PRDM16: variants seen among roughly 807,000 people sequenced by gnomAD.
The protein encoded by PRDM16 is histone-lysine N-methyltransferase PRDM16.
Under a neutral mutation model 110.6 loss-of-function variants are expected in PRDM16, and 23 were observed. The observed-to-expected ratio is 0.21, with a 90% CI of 0.15 to 0.29. PRDM16 has a LOEUF of 0.29. Ranked by LOEUF, PRDM16 falls within the 10% of genes least tolerant of loss-of-function variation. The pLI, the probability that PRDM16 is intolerant of heterozygous loss-of-function variation, is 1.00. For synonymous variants in PRDM16, 799 were observed against 781.8 expected (o/e 1.02, Z -0.37); for missense variants, 1,615 against 1,794.3 (o/e 0.90, Z 1.81).
rs199657886 is a variant in PRDM16 at position 3,411,991 on chromosome 1, G to A, written c.1794G>A (p.Met598Ile). 2.7e-5 allele frequency: 43 copies of A among 1,613,556 alleles called. No individual in the cohort carries two copies. The highest frequency in any genetic ancestry group is 1.7e-5 in the Admixed American group (1 of 60,002). ...AGCTGAAGACCAGGAGCAGCGACAT[G>A]TCGGACGGCAGTGACTTTGAGGACG... is the stretch of plus-strand genomic sequence containing the variant. ...VEKLKTRSSD[M>I]SDGSDFEDVN... The change falls in exon 9 of 17, where the codon ATG (methionine) becomes ATA (isoleucine). Residue 598 changes from methionine to isoleucine, a missense_variant. Met to Ile is a conservative substitution (Grantham distance 10). Transcript: ENST00000270722.
At chr1:3,426,247 G>A (rs781341881) in intron 14 of PRDM16, 22 bp downstream of exon 14, 7 of 1,606,982 alleles carry the variant, frequency 4.4e-6, no homozygotes, top group Non-Finnish European at 6.0e-6. Flanking sequence ...ATCGCGGGCT[G>A]GGGAAAGTCT....
At chr1:3,171,635 G>C (rs900141501) in intron 1 of PRDM16, among the ~76,000 whole-genome samples, 24 of 152,230 alleles carry the variant, frequency 1.6e-4, no homozygotes, top group African/African-American at 4.3e-4. Context: ...GCCACGAGCT[G>C]AGCTGGCTCC....
Position 3,437,471 on chromosome 1 carries a change from G to T in PRDM16, c.*3660G>T. ...CCTACTGAGCTATATTCACTGTGCT[G>T]TCCTAGGGGGAGGGAGAGCAGAGCT... On this transcript the variant is annotated 3_prime_UTR_variant, in exon 17 of 17. Coordinates refer to ENST00000270722, the MANE Select transcript of PRDM16 (RefSeq NM_022114.4). 4.3e-6 allele frequency: 1 copy of T among 230,038 alleles called. No homozygotes were observed. Among genetic ancestry groups the T allele is most frequent in the Non-Finnish European group, 8.6e-6 (1 of 116,080 alleles). The allele number at this position is 230,038 out of a possible 1,614,324, so 14.2% of individuals were successfully genotyped here. A position where few individuals can be genotyped will look rare whatever the true frequency, so the allele number is the denominator to read the frequency against.
chr1:3,406,213 G>GCCAGACAA (rs1471115907), intron 8 of PRDM16, among the ~76,000 whole-genome samples: 1 of 152,190 alleles, frequency 6.6e-6, no homozygotes, highest in Non-Finnish European at 1.5e-5. Flanking sequence ...AGCCAGACAA[G>GCCAGACAA]CAAGGTGGCA....
At chr1:3,337,381 G>A (rs1201473127) in intron 3 of PRDM16, among the ~76,000 whole-genome samples, 6 of 152,190 alleles carry the variant, frequency 3.9e-5, no homozygotes, top group Admixed American at 6.5e-5. Context: ...TCCATCGAAG[G>A]CACCCAACTG....
At chr1:3,407,814 G>C (rs535030804) in intron 8 of PRDM16, among the ~76,000 whole-genome samples, 125 of 152,332 alleles carry the variant, frequency 8.2e-4, no homozygotes, top group Middle Eastern at 6.8e-3. Context: ...GTGAGGACAG[G>C]GAAACTCAAC....
chr1:3,397,862 T>A (rs1643408841), intron 5 of PRDM16, among the ~76,000 whole-genome samples: 1 of 152,192 alleles, frequency 6.6e-6, no homozygotes, highest in Non-Finnish European at 1.5e-5. Flanking sequence ...TCCGCCTTCA[T>A]TTACCCTTGC....
intron 12 of PRDM16, among the ~76,000 whole-genome samples, chr1:3,422,618 G>A (rs1018347245): frequency 1.3e-5 from 2 of 152,258 alleles, no homozygotes; most frequent in African/African-American, 2.4e-5. Flanking sequence ...GTGTCAGGGT[G>A]GGGGATGTGA....
chr1:3,144,086 T>G (rs548879877), intron 1 of PRDM16, among the ~76,000 whole-genome samples: 1 of 152,188 alleles, frequency 6.6e-6, no homozygotes, highest in Admixed American at 6.5e-5. Flanking sequence ...TCTACAGGCC[T>G]GTGCAGACCC....
At chr1:3,109,587 C>T (rs536379408) in intron 1 of PRDM16, among the ~76,000 whole-genome samples, 7 of 152,206 alleles carry the variant, frequency 4.6e-5, no homozygotes, top group Admixed American at 2.0e-4. Context: ...CCGGGGCTTC[C>T]GCCGAGGACT....
intron 2 of PRDM16, among the ~76,000 whole-genome samples, chr1:3,194,173 G>T (rs1200885825): frequency 6.6e-6 from 1 of 152,242 alleles, no homozygotes; most frequent in African/African-American, 2.4e-5. Context: ...CACTCGTCTG[G>T]CCTTCTGCAA....
intron 3 of PRDM16, among the ~76,000 whole-genome samples, chr1:3,384,735 A>G (rs1231193946): frequency 6.6e-6 from 1 of 151,970 alleles, no homozygotes; most frequent in Non-Finnish European, 1.5e-5. Context: ...CAACACCTTC[A>G]CCTTCAGACA....
Position 3,247,660 on chromosome 1 carries a change from C to T in PRDM16, c.438+3523C>T, listed in dbSNP as rs566090350. 4.6e-5 allele frequency among the ~76,000 whole-genome samples: 7 copies of T among 152,376 alleles called. 1 individual carries two copies. The highest frequency in any genetic ancestry group is 1.7e-4 in the African/African-American group (7 of 41,600). ...CTGCGCCTTCGTTCACTCCGCAGCC[C>T]TTGCGCCCGCGCAGCCCAGAGCTTT... On this transcript the variant is annotated intron_variant, in intron 3 of 16. Transcript: ENST00000270722.
At position 3,434,568 on chromosome 1, in the gene PRDM16, G is replaced by C; in HGVS notation, c.*757G>C. 1 of 232,024 alleles carries C rather than the reference G, an allele frequency of 4.3e-6. No homozygotes were observed. The highest frequency in any genetic ancestry group is 8.5e-6 in the Non-Finnish European group (1 of 117,252). 14.4% of individuals were successfully genotyped at this position (232,024 alleles called of 1,614,324 possible). On this transcript the variant is annotated 3_prime_UTR_variant, in exon 17 of 17. Coordinates refer to ENST00000270722, the MANE Select transcript of PRDM16 (RefSeq NM_022114.4). ...GTGAACCATGCAGACGGCCGAAGAA[G>C]TCTTAGGCAGGGCGCCCTGGGCTGC...
At chr1:3,421,439 C>T (rs547696346) in intron 12 of PRDM16, among the ~76,000 whole-genome samples, 233 of 152,314 alleles carry the variant, frequency 1.5e-3, no homozygotes, top group African/African-American at 5.2e-3. Context: ...TGTTATTTTA[C>T]GCAGTGAGAC....
chr1:3,094,148 G>A (rs1478149113), intron 1 of PRDM16, among the ~76,000 whole-genome samples: 1 of 152,192 alleles, frequency 6.6e-6, no homozygotes, highest in Admixed American at 6.5e-5. Flanking sequence ...GGCGGGCGGG[G>A]CACGCAGGGC....
intron 1 of PRDM16, among the ~76,000 whole-genome samples, chr1:3,144,330 G>T (rs542322952): frequency 1.3e-5 from 2 of 152,204 alleles, no homozygotes; most frequent in Admixed American, 6.5e-5. Flanking sequence ...AGACAGGCCC[G>T]TGTGGCTTTG....
In PRDM16 at chr1:3,411,447, C is replaced by T; in HGVS notation, c.1250C>T (p.Ala417Val). Residue 417 changes from alanine (A) to valine (V), a missense_variant, in exon 9 of 17, where the codon GCC (alanine) becomes GTC (valine). Around this residue, in one of 5 missense-constraint regions of PRDM16, gnomAD observed 82 missense variants for 144.4 expected, o/e 0.57. Transcript: ENST00000270722. The stretch of plus-strand genomic sequence containing the variant: ...CTGTGCCGGCACAAGCGGATGCACG[C>T]CGACTGCCGCACGCAGATCAAGTGC... Reference protein sequence around the residue: ...SNLCRHKRMHADCRTQIKCKD... With the variant: ...SNLCRHKRMHVDCRTQIKCKD... 2 of 1,614,192 alleles carry T rather than the reference C, an allele frequency of 1.2e-6. No homozygotes were observed. Among genetic ancestry groups the T allele is most frequent in the Non-Finnish European group, 1.7e-6 (2 of 1,180,030 alleles).
At position 3,190,714 on chromosome 1, in the gene PRDM16, G is replaced by A. The variant is rs1006508814; in HGVS notation, c.387+4240G>A. On this transcript the variant is annotated intron_variant, in intron 2 of 16. Coordinates refer to ENST00000270722, the MANE Select transcript of PRDM16 (RefSeq NM_022114.4). The surrounding 1 kb of genome is among the most constrained non-coding windows in gnomAD (Gnocchi z 5.0). ...AGTCTCTTCCCAAATACCACGCCCC[G>A]CCGGTCGCCGCCGAAGCCCACCTGC... Among the ~76,000 whole-genome samples the A allele has an allele frequency of 4.6e-5, 7 of 152,180 alleles. No homozygotes were observed. Among genetic ancestry groups the A allele is most frequent in the East Asian group, 3.9e-4 (2 of 5,186 alleles).
Sources: allele counts gnomAD v4.1 joint callset (sites outside exome capture counted in the v4.1 genomes callset), GRCh38; gene constraint gnomAD v4.1.1; regional missense constraint gnomAD v4.1.1; non-coding constraint Gnocchi (gnomAD v3.1); transcripts MANE v1.5; gene names NCBI Gene and HGNC (gene_info 2026-07-23, HGNC 2026-07-21).